The following FSTL4 variants were observed in gnomAD, a reference collection of about 807,000 sequenced individuals.
FSTL4 encodes follistatin-related protein 4.
Under a neutral mutation model 78.2 loss-of-function variants are expected in FSTL4, and 28 were observed. The observed-to-expected ratio is 0.36, with a 90% CI of 0.27 to 0.49. The LOEUF (loss-of-function observed/expected upper bound fraction) is 0.49. Among genes scored for constraint, FSTL4 ranks in the 20% least tolerant of loss-of-function variants. FSTL4 has a pLI of 0.98. For synonymous variants in FSTL4, 422 were observed against 440.5 expected (o/e 0.96, Z 0.53); for missense variants, 922 against 1,084.9 (o/e 0.85, Z 2.11).
intron 6 of FSTL4, among the ~76,000 whole-genome samples, chr5:133,295,304 C>G (rs952697343): frequency 6.6e-6 from 1 of 152,146 alleles, no homozygotes; most frequent in Admixed American, 6.5e-5. Context: ...GCCCATCCAT[C>G]TAAGACAATC....
At chr5:133,799,129 C>T in the FSTL4 span, among the ~76,000 whole-genome samples, 5,890 of 136,752 alleles carry the variant, frequency 0.043, 1,235 homozygotes, top group African/African-American at 0.15. Flanking sequence ...CCCTGACTGG[C>T]GAGACACCAG....
the FSTL4 span, among the ~76,000 whole-genome samples, chr5:133,634,358 T>G: frequency 2.0e-5 from 3 of 151,792 alleles, no homozygotes; most frequent in African/African-American, 7.3e-5. Context: ...TTCCTGGTCC[T>G]TTGGCTAGAG....
chr5:133,364,711 C>T (rs772424348), intron 4 of FSTL4, among the ~76,000 whole-genome samples: 6 of 152,110 alleles, frequency 3.9e-5, no homozygotes, highest in African/African-American at 9.7e-5. Context: ...GTGCTCAGCC[C>T]CCAGTGAAAA....
chr5:133,614,477 A>T (rs1443751928), upstream of FSTL4, among the ~76,000 whole-genome samples: 2 of 152,224 alleles, frequency 1.3e-5, no homozygotes, highest in African/African-American at 4.8e-5. Flanking sequence ...ATAAGAGTGA[A>T]ATTAAAAGTC....
chr5:133,528,690 A>T (rs1759187204), intron 3 of FSTL4, among the ~76,000 whole-genome samples: 1 of 152,214 alleles, frequency 6.6e-6, no homozygotes, highest in Admixed American at 6.5e-5. Context: ...GGCCAAGGCC[A>T]CTGTTCCCAG....
At chr5:133,233,872 CTTGA>C (rs1222378896) in intron 7 of FSTL4, among the ~76,000 whole-genome samples, 1 of 152,156 alleles carries the variant, frequency 6.6e-6, no homozygotes, top group African/African-American at 2.4e-5. Flanking sequence ...CGGCTGCCTG[CTTGA>C]TTCTCAGGGG....
chr5:133,412,667 C>G (rs850198), intron 3 of FSTL4, among the ~76,000 whole-genome samples: 50,817 of 151,998 alleles, frequency 0.33, 8,964 homozygotes, highest in Middle Eastern at 0.45. Flanking sequence ...TTTGAATTTT[C>G]CCATGTGTCC....
the FSTL4 span, among the ~76,000 whole-genome samples, chr5:133,741,134 G>A: frequency 1.3e-5 from 2 of 152,148 alleles, no homozygotes; most frequent in African/African-American, 4.8e-5. Flanking sequence ...ACCAACAACT[G>A]CTAATAGGTT....
At chr5:133,757,204 A>T in the FSTL4 span, among the ~76,000 whole-genome samples, 1 of 152,208 alleles carries the variant, frequency 6.6e-6, no homozygotes, top group African/African-American at 2.4e-5. Flanking sequence ...ATTTTCTAGT[A>T]ACCACATTAA....
the FSTL4 span, among the ~76,000 whole-genome samples, chr5:133,697,767 A>G: frequency 6.6e-6 from 1 of 152,150 alleles, no homozygotes; most frequent in Admixed American, 6.5e-5. Context: ...CACTTTCCCA[A>G]CCTCACGTGA....
chr5:133,835,735 C>T, the FSTL4 span, among the ~76,000 whole-genome samples: 4 of 152,090 alleles, frequency 2.6e-5, no homozygotes, highest in Non-Finnish European at 4.4e-5. Context: ...TAAAAGGTAT[C>T]AGGACCCAGA....
the FSTL4 span, among the ~76,000 whole-genome samples, chr5:133,793,470 C>A: frequency 6.6e-6 from 1 of 152,236 alleles, no homozygotes; most frequent in Non-Finnish European, 1.5e-5. Flanking sequence ...CACTACGTTC[C>A]CCATTTTACA....
the FSTL4 span, among the ~76,000 whole-genome samples, chr5:133,815,410 T>C: frequency 6.6e-6 from 1 of 152,220 alleles, no homozygotes; most frequent in Admixed American, 6.5e-5. Flanking sequence ...TGATTTATGT[T>C]TGAGAGGTGG....
At chr5:133,549,128 G>A (rs1026534523) in intron 3 of FSTL4, among the ~76,000 whole-genome samples, 4 of 152,130 alleles carry the variant, frequency 2.6e-5, no homozygotes, top group African/African-American at 9.7e-5. Flanking sequence ...TGTATCTGAG[G>A]ATAGCTGTCT....
chr5:133,397,200 G>A lies in FSTL4; in HGVS notation c.409+3538C>T, dbSNP rs192399316. On this transcript the variant is annotated intron_variant, in intron 4 of 15. Transcript: ENST00000265342. ...CCAACTAATACACAAATAGGAATGC[G>A]ATGTCACAAGATAACTTTGAAAACA... is the stretch of plus-strand genomic sequence containing the variant. 1.7e-3 allele frequency among the ~76,000 whole-genome samples: 266 copies of A among 152,344 alleles called. 1 individual carries two copies. The highest frequency in any genetic ancestry group is 6.1e-3 in the African/African-American group (255 of 41,580).
chr5:133,314,178 G>C (rs1004913467), intron 5 of FSTL4, among the ~76,000 whole-genome samples: 13 of 152,190 alleles, frequency 8.5e-5, no homozygotes, highest in Non-Finnish European at 4.4e-5. Context: ...TTGAGGAATT[G>C]CCAGGTGGTT....
At position 133,333,248 on chromosome 5, in the gene FSTL4, C is replaced by T. The variant is rs111485305; in HGVS notation, c.410-16596G>A. 5.7e-3 allele frequency among the ~76,000 whole-genome samples: 870 copies of T among 152,330 alleles called. 4 individuals carry two copies. Among genetic ancestry groups the T allele is most frequent in the Non-Finnish European group, 8.6e-3 (588 of 68,022 alleles). Reference sequence around the variant, plus strand: ...ATAAAGGTTTTGGAATGATGTAGTCCAGGCTCCTCATTTATTGATTAGGAA... The same window carrying T: ...ATAAAGGTTTTGGAATGATGTAGTCTAGGCTCCTCATTTATTGATTAGGAA... On this transcript the variant is annotated intron_variant, in intron 4 of 15. Coordinates refer to ENST00000265342, the MANE Select transcript of FSTL4 (RefSeq NM_015082.2).
the FSTL4 span, among the ~76,000 whole-genome samples, chr5:133,769,214 C>A: frequency 6.6e-6 from 1 of 152,200 alleles, no homozygotes. Flanking sequence ...TACTGCTCAC[C>A]CAAGCCCTGC....
intron 4 of FSTL4, among the ~76,000 whole-genome samples, chr5:133,354,442 T>C (rs1754899056): frequency 6.6e-6 from 1 of 152,176 alleles, no homozygotes; most frequent in Non-Finnish European, 1.5e-5. Flanking sequence ...CCCTCGTGGT[T>C]GAGTGTGCAT....
Sources: gnomAD v4.1 joint callset for allele counts (sites outside exome capture counted in the v4.1 genomes callset) on GRCh38, gnomAD v4.1.1 for gene constraint, MANE v1.5 for transcripts, NCBI Gene and HGNC (gene_info 2026-07-23, HGNC 2026-07-21) for gene names.